The following NGLY1 variants were observed in gnomAD, a reference collection of about 807,000 sequenced individuals.
NGLY1 encodes the protein peptide-N(4)-(N-acetyl-beta-glucosaminyl)asparagine amidase.
In NGLY1, 68 loss-of-function variants were observed where a neutral mutation model predicts 84.6. The observed-to-expected ratio is 0.80, with a 90% CI of 0.66 to 0.98. The LOEUF (loss-of-function observed/expected upper bound fraction) is 0.98, where lower values mean the gene tolerates loss of function less well. NGLY1 is among the 50% of genes least tolerant of loss of function. NGLY1 has a pLI of 0.00. For missense variants in NGLY1, 779 were observed against 770.2 expected, an observed-to-expected ratio of 1.01 and a Z score of -0.14; for synonymous variants, 280 against 275.2, an observed-to-expected ratio of 1.02 and a Z score of -0.17.
chr3:25,739,470 A>G (rs1706014163), intron 5 of NGLY1, 107 bp downstream of exon 5: 31 of 1,090,390 alleles, frequency 2.8e-5, no homozygotes, highest in Non-Finnish European at 3.6e-5. Context: ...GGTATTTTAG[A>G]GGAATATATT....
At chr3:25,777,188 G>A (rs550254816) in intron 2 of NGLY1, among the ~76,000 whole-genome samples, 258 of 152,332 alleles carry the variant, frequency 1.7e-3, no homozygotes, top group African/African-American at 5.9e-3. Context: ...CTGAGGTCAA[G>A]AGTTCGAGAC....
chr3:25,761,856 T>G (rs1029335893), intron 3 of NGLY1, among the ~76,000 whole-genome samples: 2 of 152,168 alleles, frequency 1.3e-5, no homozygotes, highest in Non-Finnish European at 2.9e-5. Flanking sequence ...ATCCTTAAAA[T>G]GGAATATTAT....
At chr3:25,723,858 G>C (rs1055617830) in intron 10 of NGLY1, among the ~76,000 whole-genome samples, 5 of 152,130 alleles carry the variant, frequency 3.3e-5, no homozygotes, top group Admixed American at 3.3e-4. Flanking sequence ...TGCTAGTAAA[G>C]TCAGAAATCA....
intron 10 of NGLY1, among the ~76,000 whole-genome samples, chr3:25,720,795 CT>C (rs949304213): frequency 6.6e-6 from 1 of 152,108 alleles, no homozygotes; most frequent in Admixed American, 6.5e-5. Context: ...AGCTCATCCC[CT>C]CTCATACTTT....
At chr3:25,739,951 T>G in intron 4 of NGLY1, 152 bp from the exon 5 acceptor site, 1 of 631,684 alleles carries the variant, frequency 1.6e-6, no homozygotes. Flanking sequence ...AAACTGTCAT[T>G]TATTAGGCAC....
rs200042243 is a variant in NGLY1, at chr3:25,764,170, C to T, written c.388G>A (p.Ala130Thr). ...HKVKSSQQPA[A>T]STQLPTTPSS... ...GGTGTTGTAGGAAGCTGGGTACTGGCTGCAGGTTGCTGAGATGACTTTACT... is the reference window on the plus strand; with the variant it reads ...GGTGTTGTAGGAAGCTGGGTACTGGTTGCAGGTTGCTGAGATGACTTTACT... Residue 130 changes from alanine (A) to threonine (T), a missense_variant, in exon 3 of 12, where the codon GCC (alanine) becomes ACC (threonine). Ala to Thr is a moderately conservative substitution (Grantham distance 58, BLOSUM62 0). Coordinates refer to ENST00000280700, the MANE Select transcript of NGLY1 (RefSeq NM_018297.4). The T allele has an allele frequency of 1.2e-4, 197 of 1,614,164 alleles. 1 individual carries two copies. The South Asian group carries it at 2.1e-3, about 17-fold the overall frequency.
chr3:25,783,199 C>T lies in NGLY1; in HGVS notation c.131+61G>A, dbSNP rs1362197870. 1.3e-6 allele frequency: 2 copies of T among 1,509,844 alleles called. No homozygotes were observed. The highest frequency in any genetic ancestry group is 1.8e-6 in the Non-Finnish European group (2 of 1,095,316). 93.5% of individuals were successfully genotyped at this position (1,509,844 alleles called of 1,614,324 possible). On this transcript the variant is annotated intron_variant, in intron 1 of 11. Transcript: ENST00000280700. This position sits in a 1 kb window ranked among gnomAD's most constrained non-coding sequence, Gnocchi z 4.5. Reference sequence around the variant, plus strand: ...CAGGCCGGACGCCCCAGTCCCTGGCCGAACAAGGTGCCGCGGCCCACCCAC... The same window carrying T: ...CAGGCCGGACGCCCCAGTCCCTGGCTGAACAAGGTGCCGCGGCCCACCCAC...
intron 1 of NGLY1, chr3:25,789,655 G>A: frequency 1.6e-6 from 1 of 617,022 alleles, no homozygotes; most frequent in Non-Finnish European, 2.8e-6. Context: ...ATTTCCTGAT[G>A]TTGGCCATTT....
At chr3:25,744,527 G>A (rs1706321455) in intron 4 of NGLY1, among the ~76,000 whole-genome samples, 1 of 152,190 alleles carries the variant, frequency 6.6e-6, no homozygotes, top group African/African-American at 2.4e-5. Flanking sequence ...GCCAGCGGGG[G>A]CTTCGTCATC....
rs779777119 is a variant in NGLY1, at chr3:25,773,737, G to GGTAT, written c.246+4833_246+4836dup. 7.9e-5 allele frequency among the ~76,000 whole-genome samples: 12 copies of GGTAT among 152,212 alleles called. 1 individual carries two copies. In the East Asian group the frequency reaches 2.1e-3, roughly 27 times the overall value. ...TGTTTTTCTGGTTCCTCCTCATTTAGGTATAGACTATGTCAGAGGAAGGAT... is the reference window on the plus strand; with the variant it reads ...TGTTTTTCTGGTTCCTCCTCATTTAGGTATGTATAGACTATGTCAGAGGAAGGAT... On this transcript the variant is annotated intron_variant, in intron 2 of 11. Transcript: ENST00000280700.
chr3:25,789,118 A>G (rs1708665304), intron 1 of NGLY1, among the ~76,000 whole-genome samples: 1 of 152,218 alleles, frequency 6.6e-6, no homozygotes, highest in Admixed American at 6.5e-5. Flanking sequence ...ATGTTCGATG[A>G]ATACCATCTT....
At chr3:25,765,825 T>C (rs1053191263) in intron 2 of NGLY1, among the ~76,000 whole-genome samples, 4 of 151,884 alleles carry the variant, frequency 2.6e-5, no homozygotes, top group African/African-American at 9.7e-5. Flanking sequence ...CTCAAACTCT[T>C]GGGCTCAAGC....
At chr3:25,780,755 G>C (rs1708376687) in intron 1 of NGLY1, among the ~76,000 whole-genome samples, 1 of 151,708 alleles carries the variant, frequency 6.6e-6, no homozygotes, top group Non-Finnish European at 1.5e-5. Flanking sequence ...GAAGTAGCTA[G>C]GACTACAGGT....
chr3:25,755,649 T>A, intron 3 of NGLY1: 1 of 1,476,452 alleles, frequency 6.8e-7, no homozygotes, highest in Non-Finnish European at 9.4e-7. Flanking sequence ...GAGAAAAACA[T>A]GAAGATGATG....
intron 4 of NGLY1, among the ~76,000 whole-genome samples, chr3:25,746,496 T>C (rs577926718): frequency 6.6e-6 from 1 of 152,324 alleles, no homozygotes; most frequent in South Asian, 2.1e-4. Flanking sequence ...ACCCCTGTAT[T>C]ACCTTTATAA....
At chr3:25,741,421 A>G (rs931430555) in intron 4 of NGLY1, among the ~76,000 whole-genome samples, 10 of 152,082 alleles carry the variant, frequency 6.6e-5, no homozygotes, top group African/African-American at 1.7e-4. Flanking sequence ...GTTTCAATAA[A>G]TGATATTAGG....
chr3:25,735,244 A>G (rs1337364399), intron 7 of NGLY1: 1 of 152,184 alleles, frequency 6.6e-6, no homozygotes, highest in African/African-American at 2.4e-5. Flanking sequence ...TCTCTTCAAA[A>G]ATCATTAAGA....
At chr3:25,749,325 G>A (rs982969942) in intron 4 of NGLY1, among the ~76,000 whole-genome samples, 5 of 152,176 alleles carry the variant, frequency 3.3e-5, no homozygotes, top group African/African-American at 1.2e-4. Context: ...ATTCACAATA[G>A]CCAAAATATT....
At chr3:25,772,644 A>C (rs1707952346) in intron 2 of NGLY1, among the ~76,000 whole-genome samples, 1 of 152,150 alleles carries the variant, frequency 6.6e-6, no homozygotes, top group African/African-American at 2.4e-5. Flanking sequence ...TAGTACTGAG[A>C]TGTGAGGTAC....
Sources: gnomAD v4.1 joint callset for allele counts (sites outside exome capture counted in the v4.1 genomes callset) on GRCh38, gnomAD v4.1.1 for gene constraint, Gnocchi (gnomAD v3.1) non-coding constraint, MANE v1.5 for transcripts, NCBI Gene and HGNC (gene_info 2026-07-23, HGNC 2026-07-21) for gene names.